Variants in CSMD1 observed in about 807,000 individuals in gnomAD.
CSMD1 encodes CUB and sushi domain-containing protein 1.
Under a neutral mutation model 417.5 loss-of-function variants are expected in CSMD1, and 213 were observed. The observed-to-expected ratio is 0.51, with a 90% CI of 0.46 to 0.57. CSMD1 has a LOEUF of 0.57. Among genes scored for constraint, CSMD1 ranks in the 20% least tolerant of loss-of-function variants. The pLI is 0.00. For synonymous variants in CSMD1, 2,862 were observed against 1,736.8 expected (o/e 1.65, Z -16.11); for missense variants, 6,923 against 4,529.7 (o/e 1.53, Z -15.17).
At chr8:4,188,786 A>G (rs570355806) in intron 3 of CSMD1, among the ~76,000 whole-genome samples, 41 of 125,624 alleles carry the variant, frequency 3.3e-4, no homozygotes, top group African/African-American at 1.4e-3. Context: ...GAAGATAAAG[A>G]AACTCCAGGA....
intron 2 of CSMD1, among the ~76,000 whole-genome samples, chr8:4,554,884 G>C (rs1164062654): frequency 6.6e-6 from 1 of 152,108 alleles, no homozygotes; most frequent in Admixed American, 6.5e-5. Context: ...AGGCCCAGGT[G>C]GTGATGATGG....
chr8:4,079,199 G>A (rs769441116), intron 3 of CSMD1, among the ~76,000 whole-genome samples: 2 of 152,058 alleles, frequency 1.3e-5, no homozygotes, highest in African/African-American at 4.8e-5. Flanking sequence ...TTAGTCTATA[G>A]AGACATGCCC....
chr8:4,667,757 G>A (rs540501465), intron 1 of CSMD1, among the ~76,000 whole-genome samples: 1 of 152,264 alleles, frequency 6.6e-6, no homozygotes, highest in East Asian at 1.9e-4. Flanking sequence ...TAACATTCTT[G>A]TATATTGCTT....
chr8:3,607,917 C>A (rs1801698797), intron 8 of CSMD1, among the ~76,000 whole-genome samples: 1 of 152,084 alleles, frequency 6.6e-6, no homozygotes, highest in East Asian at 1.9e-4. Flanking sequence ...TGCCTGTAAT[C>A]CCAGCACTTT....
chr8:3,814,718 T>G (rs2954203), intron 5 of CSMD1, among the ~76,000 whole-genome samples: 37,080 of 152,028 alleles, frequency 0.24, 5,215 homozygotes, highest in Non-Finnish European at 0.32. Flanking sequence ...GATTCTGAAG[T>G]AGAAATCTTA....
intron 7 of CSMD1, among the ~76,000 whole-genome samples, chr8:3,706,943 A>G (rs983086880): frequency 1.3e-4 from 20 of 152,044 alleles, no homozygotes; most frequent in African/African-American, 2.9e-4. Context: ...TTAAAGGGTG[A>G]CTGGCTGTGA....
intron 5 of CSMD1, among the ~76,000 whole-genome samples, chr8:3,996,448 T>TC (rs1289947939): frequency 6.6e-6 from 1 of 150,576 alleles, no homozygotes; most frequent in African/African-American, 2.5e-5. Flanking sequence ...TTTAAGATTT[T>TC]TTTTTTAGCA....
rs576281740 is a variant in CSMD1, at chr8:4,223,090, C to G, written c.416-190991G>C. On this transcript the variant is annotated intron_variant, in intron 3 of 69. Transcript: ENST00000635120. ...GCTGCCTAAACAGCTGGTTCCCTCC[C>G]GCCCTGCCCTGAGCATCTGTAGTAG... Among the ~76,000 whole-genome samples the G allele has an allele frequency of 2.0e-3, 299 of 152,200 alleles. 1 individual carries two copies. The highest frequency in any genetic ancestry group is 7.1e-3 in the African/African-American group (295 of 41,524).
chr8:3,928,852 A>C (rs1563221286), intron 5 of CSMD1, among the ~76,000 whole-genome samples: 1 of 147,006 alleles, frequency 6.8e-6, no homozygotes, highest in Non-Finnish European at 1.5e-5. Flanking sequence ...TCACTATACA[A>C]GGGTAGGAGA....
chr8:4,061,230 G>T (rs17403631), intron 3 of CSMD1, among the ~76,000 whole-genome samples: 31 of 152,134 alleles, frequency 2.0e-4, no homozygotes, highest in Non-Finnish European at 3.7e-4. Flanking sequence ...TGATTAGAGA[G>T]GAAAGAGGAG....
chr8:3,541,899 T>A (rs1355295773), intron 10 of CSMD1, among the ~76,000 whole-genome samples: 2 of 152,012 alleles, frequency 1.3e-5, no homozygotes, highest in Non-Finnish European at 1.5e-5. Flanking sequence ...CCATCTCTAC[T>A]CAAAATACAA....
At chr8:4,204,011 G>C (rs186604114) in intron 3 of CSMD1, among the ~76,000 whole-genome samples, 49 of 152,290 alleles carry the variant, frequency 3.2e-4, no homozygotes, top group African/African-American at 1.1e-3. Flanking sequence ...TGAGGCATCA[G>C]AATCACTTGA....
chr8:2,956,862 T>C (rs1322216493), intron 63 of CSMD1, among the ~76,000 whole-genome samples: 5 of 152,136 alleles, frequency 3.3e-5, no homozygotes, highest in Admixed American at 2.6e-4. Context: ...CCATATTATA[T>C]ATAAACATGC....
intron 4 of CSMD1, among the ~76,000 whole-genome samples, chr8:4,019,514 G>T (rs976353299): frequency 3.3e-5 from 5 of 152,278 alleles, no homozygotes; most frequent in African/African-American, 1.2e-4. Flanking sequence ...TGTGAAGTTT[G>T]GTGGTTACCC....
At chr8:3,629,275 G>C (rs1486882076) in intron 7 of CSMD1, among the ~76,000 whole-genome samples, 1 of 150,986 alleles carries the variant, frequency 6.6e-6, no homozygotes, top group East Asian at 2.0e-4. Context: ...TTCTGAATAA[G>C]ATGCTTAATG....
At chr8:4,212,863 C>A (rs200170806) in intron 3 of CSMD1, among the ~76,000 whole-genome samples, 1 of 150,056 alleles carries the variant, frequency 6.7e-6, no homozygotes, top group Non-Finnish European at 1.5e-5. Context: ...GCTTTCCATC[C>A]TACAGGAAGA....
intron 7 of CSMD1, among the ~76,000 whole-genome samples, chr8:3,625,814 G>T (rs111811176): frequency 2.6e-3 from 399 of 152,020 alleles, no homozygotes; most frequent in African/African-American, 9.3e-3. Flanking sequence ...AACATCGCCT[G>T]CCCTAGGTTA....
intron 18 of CSMD1, among the ~76,000 whole-genome samples, chr8:3,384,961 A>C (rs1193337833): frequency 2.9e-4 from 33 of 115,554 alleles, no homozygotes; most frequent in Non-Finnish European, 4.0e-4. Flanking sequence ...TATAATATAT[A>C]ATATATATGC....
chr8:3,628,735 G>C (rs367891166), intron 7 of CSMD1, among the ~76,000 whole-genome samples: 32 of 152,232 alleles, frequency 2.1e-4, no homozygotes, highest in South Asian at 1.7e-3. Context: ...CACAGCTCAT[G>C]AGAGCCATAC....
Sources: gnomAD v4.1 joint callset for allele counts (sites outside exome capture counted in the v4.1 genomes callset) on GRCh38, gnomAD v4.1.1 for gene constraint, MANE v1.5 for transcripts, NCBI Gene and HGNC (gene_info 2026-07-23, HGNC 2026-07-21) for gene names.